Variants in PCDHA9 observed in about 807,000 individuals in gnomAD.
PCDHA9 encodes protocadherin alpha 9.
A neutral mutation model predicts 62.0 loss-of-function variants in PCDHA9; 62 were observed. The observed-to-expected ratio is 1.00, with a 90% CI of 0.81 to 1.23. The LOEUF is 1.23. Among genes scored for constraint, PCDHA9 ranks in the 50% most tolerant of loss-of-function variants. PCDHA9 has a pLI of 0.00. For missense variants in PCDHA9, 1,205 were observed against 1,249.8 expected (o/e 0.96, Z 0.54); for synonymous variants, 557 against 567.6 (o/e 0.98, Z 0.27).
intron 1 of PCDHA9, among the ~76,000 whole-genome samples, chr5:140,886,084 G>C (rs1554182347): frequency 6.6e-6 from 1 of 152,140 alleles, no homozygotes; most frequent in East Asian, 1.9e-4. Flanking sequence ...CCACAACCTG[G>C]ATATTGACAT....
chr5:140,857,442 A>G (rs1554150038), intron 1 of PCDHA9: 1 of 1,598,266 alleles, frequency 6.3e-7, no homozygotes, highest in African/African-American at 1.3e-5. Flanking sequence ...TTCGTGAAGG[A>G]GAACAACCCG....
chr5:140,943,139 TC>T (rs1314499841), intron 1 of PCDHA9, among the ~76,000 whole-genome samples: 5 of 151,168 alleles, frequency 3.3e-5, no homozygotes, highest in Non-Finnish European at 5.9e-5. Flanking sequence ...GTGCCTGTAG[TC>T]CCAGCTACTC....
intron 1 of PCDHA9, among the ~76,000 whole-genome samples, chr5:140,891,848 C>T (rs2063280221): frequency 6.6e-6 from 1 of 152,158 alleles, no homozygotes; most frequent in East Asian, 1.9e-4. Flanking sequence ...ATGGAAGGAG[C>T]CTGTCCCTCT....
At chr5:140,869,532 G>A (rs917843661) in intron 1 of PCDHA9, 3 of 1,614,130 alleles carry the variant, frequency 1.9e-6, no homozygotes, top group Non-Finnish European at 1.7e-6. Flanking sequence ...TGCTGATTGC[G>A]GAATCTAAGC....
intron 3 of PCDHA9, among the ~76,000 whole-genome samples, chr5:141,000,395 C>A (rs664650): frequency 0.072 from 3,868 of 53,704 alleles, 168 homozygotes; most frequent in Non-Finnish European, 0.081. Flanking sequence ...CTCTCTCTCT[C>A]TATATATATA....
intron 1 of PCDHA9, among the ~76,000 whole-genome samples, chr5:140,874,476 A>G (rs1024531291): frequency 1.1e-4 from 17 of 152,236 alleles, no homozygotes; most frequent in Non-Finnish European, 8.8e-5. Context: ...TTAGAGAAAA[A>G]GCAAAAGGTT....
intron 1 of PCDHA9, among the ~76,000 whole-genome samples, chr5:140,947,543 G>T (rs1013985097): frequency 6.6e-5 from 10 of 151,548 alleles, no homozygotes; most frequent in Non-Finnish European, 1.2e-4. Flanking sequence ...TTTCTACAAA[G>T]AATTCCGCTG....
intron 1 of PCDHA9, among the ~76,000 whole-genome samples, chr5:140,941,907 CT>C (rs1379926904): frequency 7.2e-5 from 11 of 152,106 alleles, no homozygotes; most frequent in African/African-American, 2.7e-4. Context: ...CATTGAAATG[CT>C]TTTATGTATA....
rs782046977 is a variant in PCDHA9 at position 140,968,811 on chromosome 5, A to T, written c.2395-10138A>T. The T allele has an allele frequency of 5.0e-6, 8 of 1,614,086 alleles. No homozygotes were observed. The African/African-American group carries it at 6.7e-5, about 13-fold the overall frequency. The stretch of plus-strand genomic sequence containing the variant: ...GTGGCCATTACAGTAGCTGTGGTGG[A>T]TAGGGTTTCCAAAATCCTCCCTGAC... On this transcript the variant is annotated intron_variant, in intron 1 of 3. Coordinates refer to ENST00000532602, the MANE Select transcript of PCDHA9 (RefSeq NM_031857.2).
chr5:140,969,863 C>A (rs1305470999), intron 1 of PCDHA9, among the ~76,000 whole-genome samples: 1 of 152,156 alleles, frequency 6.6e-6, no homozygotes, highest in Non-Finnish European at 1.5e-5. Context: ...CTGGTACTTG[C>A]ACTGAACCTA....
At position 140,870,837 on chromosome 5, in the gene PCDHA9, G is replaced by T. The variant is rs782610375; in HGVS notation, c.2394+19948G>T. ...GCAGCGCGGGAGGCGCAGTTAACAA[G>T]CTAGTACCGCGGTCGGTGGGTGCGG... On this transcript the variant is annotated intron_variant, in intron 1 of 3. Transcript: ENST00000532602. 5 of 1,613,820 alleles carry T rather than the reference G, an allele frequency of 3.1e-6. No individual in the cohort carries two copies. The South Asian group carries it at 4.4e-5, about 14-fold the overall frequency.
chr5:140,870,883 C>A (rs782137761), intron 1 of PCDHA9: 1 of 1,613,920 alleles, frequency 6.2e-7, no homozygotes, highest in Non-Finnish European at 8.5e-7. Context: ...GGCGAAGGTG[C>A]GCGCAGTGGA....
chr5:140,967,736 G>A (rs1554229871), intron 1 of PCDHA9: 4 of 1,614,162 alleles, frequency 2.5e-6, no homozygotes, highest in Non-Finnish European at 3.4e-6. Context: ...TGGGGGGCTG[G>A]ATTATGAGGA....
At chr5:140,893,050 A>G (rs967159859) in intron 1 of PCDHA9, among the ~76,000 whole-genome samples, 1 of 152,248 alleles carries the variant, frequency 6.6e-6, no homozygotes, top group Non-Finnish European at 1.5e-5. Context: ...CTCCAGGCTC[A>G]GCCATACTGC....
At position 140,850,706 on chromosome 5, in the gene PCDHA9, G is replaced by A. The variant is rs2150495171; in HGVS notation, c.2211G>A (p.Pro737=). ...AGGGCGAGTGCGCGCCTGGCAAGCC[G>A]ACGCTGGTGTGTTCTAGCGCGGTGG... is the stretch of plus-strand genomic sequence containing the variant. ...PTEGECAPGK[P]TLVCSSAVGS... The change falls in exon 1 of 4, where the codon CCG becomes CCA. Residue 737 remains proline (P), a synonymous_variant. Coordinates refer to ENST00000532602, the MANE Select transcript of PCDHA9 (RefSeq NM_031857.2). 7 of 1,598,146 alleles carry A rather than the reference G, an allele frequency of 4.4e-6. No individual in the cohort carries two copies. In the East Asian group the frequency reaches 1.3e-4, roughly 31 times the overall value.
intron 1 of PCDHA9, chr5:140,870,378 T>C (rs782676295): frequency 1.9e-6 from 3 of 1,614,036 alleles, no homozygotes; most frequent in African/African-American, 1.3e-5. Flanking sequence ...TGGTGGTGAC[T>C]GCGCGGGATG....
chr5:140,897,161 G>C (rs1554187213), intron 1 of PCDHA9, among the ~76,000 whole-genome samples: 1 of 151,938 alleles, frequency 6.6e-6, no homozygotes, highest in African/African-American at 2.4e-5. Flanking sequence ...TTCTTCTACT[G>C]TCTATCTCCA....
intron 1 of PCDHA9, among the ~76,000 whole-genome samples, chr5:140,946,411 A>G (rs1554217552): frequency 1.1e-4 from 16 of 151,766 alleles, no homozygotes. Context: ...ATCATAGAAA[A>G]CAATATGGAG....
chr5:141,009,178 G>A (rs1233603015), intron 3 of PCDHA9, among the ~76,000 whole-genome samples: 1 of 152,212 alleles, frequency 6.6e-6, no homozygotes, highest in African/African-American at 2.4e-5. Context: ...GCCTTGGCTG[G>A]GTGTGGTAGC....
Sources: allele counts gnomAD v4.1 joint callset (sites outside exome capture counted in the v4.1 genomes callset), GRCh38; gene constraint gnomAD v4.1.1; transcripts MANE v1.5; gene names NCBI Gene and HGNC (gene_info 2026-07-23, HGNC 2026-07-21).